The following PTPRN2 variants were observed in gnomAD, a reference collection of about 807,000 sequenced individuals.
PTPRN2 encodes receptor-type tyrosine-protein phosphatase N2.
Under a neutral mutation model 118.8 loss-of-function variants are expected in PTPRN2, and 74 were observed. The observed-to-expected ratio is 0.62, with a 90% CI of 0.52 to 0.76. PTPRN2 has a LOEUF of 0.76. Among genes scored for constraint, PTPRN2 ranks in the 30% least tolerant of loss-of-function variants. The probability of loss-of-function intolerance (pLI) is 0.00; values close to 1 mark genes in which losing one functional copy is unlikely to be tolerated. For missense variants in PTPRN2, 1,481 were observed against 1,394.4 expected (o/e 1.06, Z -0.99); for synonymous variants, 641 against 608.0 (o/e 1.05, Z -0.80).
At chr7:158,136,114 T>C (rs1818786877) in intron 8 of PTPRN2, among the ~76,000 whole-genome samples, 1 of 152,238 alleles carries the variant, frequency 6.6e-6, no homozygotes, top group Admixed American at 6.5e-5. Context: ...CCTCTTCCTG[T>C]GGCATCCAGC....
chr7:158,327,143 CCA>C (rs56213728), intron 2 of PTPRN2, among the ~76,000 whole-genome samples: 140,558 of 151,284 alleles, frequency 0.93, 65,435 homozygotes, highest in Non-Finnish European at 0.96. Context: ...ACACTCATAT[CCA>C]CACACGTGCA....
At chr7:157,642,453 A>G (rs1804729414) in intron 14 of PTPRN2, among the ~76,000 whole-genome samples, 1 of 152,228 alleles carries the variant, frequency 6.6e-6, no homozygotes, top group African/African-American at 2.4e-5. Context: ...TGCTGTCTAT[A>G]AACCTGCAGA....
intron 5 of PTPRN2, among the ~76,000 whole-genome samples, chr7:158,174,577 C>A (rs1376057229): frequency 6.6e-6 from 1 of 152,172 alleles, no homozygotes; most frequent in African/African-American, 2.4e-5. Context: ...ATCATCAAAC[C>A]CCTACTGCTG....
At chr7:158,362,005 C>T (rs1235712395) in intron 2 of PTPRN2, among the ~76,000 whole-genome samples, 16 of 152,200 alleles carry the variant, frequency 1.1e-4, no homozygotes, top group Admixed American at 9.2e-4. Flanking sequence ...CCTTCCCCAT[C>T]GTGGGTTCCA....
At chr7:157,734,623 G>A (rs1800192958) in intron 12 of PTPRN2, among the ~76,000 whole-genome samples, 3 of 152,326 alleles carry the variant, frequency 2.0e-5, no homozygotes, top group Middle Eastern at 3.4e-3. Context: ...CAGCCGAGAC[G>A]CCCCAAATAA....
chr7:158,223,218 G>T (rs1392071502), intron 3 of PTPRN2, among the ~76,000 whole-genome samples: 1 of 152,018 alleles, frequency 6.6e-6, no homozygotes, highest in Non-Finnish European at 1.5e-5. Context: ...AGGCCCAGAT[G>T]GTTTCACCAA....
Position 157,587,730 on chromosome 7 carries a change from T to C in PTPRN2, c.2496+7508A>G, listed in dbSNP as rs1207310588. ...TGGGGGCCAGGAGAGCTGTTTCGTG[T>C]CTGACTCTGTCCTGAAAGGCAGCCT... On this transcript the variant is annotated intron_variant, in intron 17 of 22. Coordinates refer to ENST00000389418, the MANE Select transcript of PTPRN2 (RefSeq NM_002847.5). The surrounding 1 kb of genome is among the most constrained non-coding windows in gnomAD (Gnocchi z 5.3). Among the ~76,000 whole-genome samples the C allele has an allele frequency of 6.6e-6, 1 of 152,222 alleles. No homozygotes were observed. Among genetic ancestry groups the C allele is most frequent in the East Asian group, 1.9e-4 (1 of 5,190 alleles).
chr7:157,847,444 T>G (rs373462735), intron 12 of PTPRN2, among the ~76,000 whole-genome samples: 20 of 150,726 alleles, frequency 1.3e-4, no homozygotes, highest in African/African-American at 4.7e-4. Flanking sequence ...GCCTGATGTC[T>G]ACAAAGCCCT....
intron 21 of PTPRN2, among the ~76,000 whole-genome samples, chr7:157,562,130 G>T (rs535843253): frequency 1.3e-5 from 2 of 152,328 alleles, no homozygotes; most frequent in Non-Finnish European, 2.9e-5. Flanking sequence ...CCACCAAGGG[G>T]GATCGGCAGT....
intron 3 of PTPRN2, among the ~76,000 whole-genome samples, chr7:158,251,064 C>T (rs1796623593): frequency 6.6e-6 from 1 of 152,086 alleles, no homozygotes; most frequent in South Asian, 2.1e-4. Flanking sequence ...AATTCCCTAT[C>T]TAGGCTGGCA....
intron 11 of PTPRN2, among the ~76,000 whole-genome samples, chr7:157,922,446 G>C (rs1340863836): frequency 6.6e-6 from 1 of 152,202 alleles, no homozygotes; most frequent in South Asian, 2.1e-4. Flanking sequence ...CTGCGGCAAA[G>C]CTGGAATTGC....
At chr7:158,339,832 CTCA>C (rs1335640859) in intron 2 of PTPRN2, among the ~76,000 whole-genome samples, 14 of 108,726 alleles carry the variant, frequency 1.3e-4, no homozygotes, top group African/African-American at 4.8e-4. Context: ...CACCCACACT[CTCA>C]CCATAAGAAG....
intron 12 of PTPRN2, among the ~76,000 whole-genome samples, chr7:157,746,830 G>C (rs893404958): frequency 1.2e-4 from 19 of 152,240 alleles, no homozygotes; most frequent in Non-Finnish European, 2.4e-4. Flanking sequence ...CGCATGTGTT[G>C]AGGCCTGCAT....
intron 11 of PTPRN2, among the ~76,000 whole-genome samples, chr7:157,952,325 C>T (rs537826004): frequency 2.3e-4 from 34 of 147,810 alleles, no homozygotes; most frequent in East Asian, 9.9e-4. Flanking sequence ...GTAGTGTGCA[C>T]GCCTGAGACA....
intron 13 of PTPRN2, among the ~76,000 whole-genome samples, chr7:157,681,331 A>G (rs1407250357): frequency 1.3e-5 from 2 of 152,220 alleles, no homozygotes; most frequent in South Asian, 2.1e-4. Context: ...GTCTTGCTCA[A>G]TGGAATTTCT....
chr7:158,269,353 C>A (rs1371760524), intron 3 of PTPRN2, among the ~76,000 whole-genome samples: 1 of 152,196 alleles, frequency 6.6e-6, no homozygotes, highest in African/African-American at 2.4e-5. Context: ...TCAGGAGGCG[C>A]GGCCATCCCC....
rs13306963 is a variant in PTPRN2, at chr7:157,667,043, G to A, written c.2002-10492C>T. 4.1e-4 allele frequency among the ~76,000 whole-genome samples: 36 copies of A among 87,052 alleles called. 1 individual carries two copies. The highest frequency in any genetic ancestry group is 1.4e-3 in the African/African-American group (35 of 25,536). The allele number at this position is 87,052 out of a possible 152,430, so 57.1% of individuals were successfully genotyped here. On this transcript the variant is annotated intron_variant, in intron 13 of 22. Coordinates refer to ENST00000389418, the MANE Select transcript of PTPRN2 (RefSeq NM_002847.5). ...GCCTGACTTGCACACTCGGCCCGTGGGACACTGATCTCAGGTGGGTGCAAC... is the reference window on the plus strand; with the variant it reads ...GCCTGACTTGCACACTCGGCCCGTGAGACACTGATCTCAGGTGGGTGCAAC...
At chr7:157,939,086 G>A (rs1404373775) in intron 11 of PTPRN2, among the ~76,000 whole-genome samples, 1 of 151,914 alleles carries the variant, frequency 6.6e-6, no homozygotes, top group African/African-American at 2.4e-5. Flanking sequence ...CAACAGCAAG[G>A]TTTCCAGCAC....
At chr7:157,692,051 G>A (rs1266800839) in intron 12 of PTPRN2, among the ~76,000 whole-genome samples, 2 of 152,216 alleles carry the variant, frequency 1.3e-5, no homozygotes, top group African/African-American at 4.8e-5. Flanking sequence ...AAGAAAGGAA[G>A]AGGGGGGCGC....
Sources: gnomAD v4.1 joint callset for allele counts (sites outside exome capture counted in the v4.1 genomes callset) on GRCh38, gnomAD v4.1.1 for gene constraint, Gnocchi (gnomAD v3.1) non-coding constraint, MANE v1.5 for transcripts, NCBI Gene and HGNC (gene_info 2026-07-23, HGNC 2026-07-21) for gene names.